The following SYNPO2L variants were observed in gnomAD, a reference collection of about 807,000 sequenced individuals.
SYNPO2L encodes the protein synaptopodin 2-like protein.
Under a neutral mutation model 47.5 loss-of-function variants are expected in SYNPO2L, and 34 were observed. The ratio of observed to expected loss-of-function variants is 0.72; its 90% CI spans 0.54 to 0.95. The LOEUF is 0.95. Among genes scored for constraint, SYNPO2L ranks in the 40% least tolerant of loss-of-function variants. The probability of loss-of-function intolerance (pLI) is 0.00; values close to 1 mark genes in which losing one functional copy is unlikely to be tolerated. For synonymous variants in SYNPO2L, 536 were observed against 524.9 expected, an observed-to-expected ratio of 1.02 and a Z score of -0.29; for missense variants, 1,246 against 1,282.0, an observed-to-expected ratio of 0.97 and a Z score of 0.43.
At position 73,648,501 on chromosome 10, in the gene SYNPO2L, G is replaced by A. The variant is rs1178636195; in HGVS notation, c.1151C>T (p.Ser384Phe). ...SGLGGQLSEV[S>F]GRGVQLFEQQ... ...TTCAAAGAGCTGCACCCCTCGCCCA[G>A]AGACCTCACTCAGCTGCCCTCCCAG... The change falls in exon 4 of 4, where the codon TCT (serine) becomes TTT (phenylalanine). Residue 384 changes from serine (S) to phenylalanine (F), a missense_variant. Physicochemically the swap from Ser to Phe is radical, Grantham distance 155. Transcript: ENST00000394810. The A allele has an allele frequency of 2.5e-6, 4 of 1,613,718 alleles. No individual in the cohort carries two copies. The African/African-American group carries it at 5.3e-5, about 22-fold the overall frequency.
chr10:73,655,834 G>C lies in SYNPO2L; in HGVS notation c.89C>G (p.Pro30Arg). Residue 30 changes from proline to arginine, a missense_variant, in exon 1 of 4, where the codon CCG (proline) becomes CGG (arginine). By Grantham distance (103) the Pro-to-Arg change is moderately radical. Transcript: ENST00000394810. ...CTCCCTTACCTTAGACACCTGTAACGGTTTCCTCTGCTCGGCCCCCCCATG... is the reference window on the plus strand; with the variant it reads ...CTCCCTTACCTTAGACACCTGTAACCGTTTCCTCTGCTCGGCCCCCCCATG... ...RLHGGAEQRK[P>R]LQVSKIRRRS... is the part of the protein sequence containing the mutation. 1.3e-6 allele frequency: 2 copies of C among 1,549,564 alleles called. No homozygotes were observed. The highest frequency in any genetic ancestry group is 2.5e-5 in the East Asian group (1 of 40,774).
At position 73,648,545 on chromosome 10, in the gene SYNPO2L, T is replaced by C. The variant is rs147534080; in HGVS notation, c.1107A>G (p.Ser369=). The change falls in exon 4 of 4, where the codon TCA becomes TCG. Residue 369 remains serine (S), a synonymous_variant. Coordinates refer to ENST00000394810, the MANE Select transcript of SYNPO2L (RefSeq NM_001114133.3). ...MELARAGSRA[S]EGQGSGLGGQ... is the part of the protein sequence containing the mutation. Reference sequence around the variant, plus strand: ...CTCCCAGCCCAGAGCCCTGGCCCTCTGATGCTCTTGAGCCCGCCCTGGCAA... The same window carrying C: ...CTCCCAGCCCAGAGCCCTGGCCCTCCGATGCTCTTGAGCCCGCCCTGGCAA... 7.4e-6 allele frequency: 12 copies of C among 1,614,062 alleles called. No individual in the cohort carries two copies. In the African/African-American group the frequency reaches 1.5e-4, roughly 20 times the overall value.
chr10:73,647,142 C>T lies in SYNPO2L; in HGVS notation c.2510G>A (p.Arg837Gln). The change falls in exon 4 of 4, where the codon CGG becomes CAG. Residue 837 changes from arginine (R) to glutamine (Q), a missense_variant. By Grantham distance (43) the Arg-to-Gln change is conservative. Coordinates refer to ENST00000394810, the MANE Select transcript of SYNPO2L (RefSeq NM_001114133.3). ...TLPKAQSQGP[R>Q]ATPKQGIKAL... Reference sequence around the variant, plus strand: ...CTTGATGCCCTGCTTGGGTGTTGCCCGAGGCCCCTGGGATTGGGCCTTAGG... The same window carrying T: ...CTTGATGCCCTGCTTGGGTGTTGCCTGAGGCCCCTGGGATTGGGCCTTAGG... 1 of 1,613,972 alleles carries T rather than the reference C, an allele frequency of 6.2e-7. No individual in the cohort carries two copies. Among genetic ancestry groups the T allele is most frequent in the East Asian group, 2.2e-5 (1 of 44,874 alleles).
Position 73,645,151 on chromosome 10 carries a change from C to A in SYNPO2L, c.*1567G>T. The stretch of plus-strand genomic sequence containing the variant: ...TTTCCCAGGCAGTCATGGCAAGCTG[C>A]AGAAGACACACTGAAGAACAGACTC... On this transcript the variant is annotated 3_prime_UTR_variant, in exon 4 of 4. Coordinates refer to ENST00000394810, the MANE Select transcript of SYNPO2L (RefSeq NM_001114133.3). The A allele has an allele frequency of 8.3e-7, 1 of 1,204,008 alleles. No homozygotes were observed. Among genetic ancestry groups the A allele is most frequent in the South Asian group, 1.5e-5 (1 of 64,656 alleles). 74.6% of individuals were successfully genotyped at this position (1,204,008 alleles called of 1,614,324 possible).
In SYNPO2L at chr10:73,655,857, A is replaced by ATGAAGT; in HGVS notation, c.60_65dup (p.Leu21_His22insGlnLeu). On this transcript the variant is annotated inframe_insertion, in exon 1 of 4. Transcript: ENST00000394810. ...ACGGTTTCCTCTGCTCGGCCCCCCC[A>ATGAAGT]TGAAGTCGGAAGCCCCAGGGGGCTC... 1 of 1,550,658 alleles carries ATGAAGT rather than the reference A, an allele frequency of 6.4e-7. No individual in the cohort carries two copies.
In SYNPO2L at chr10:73,645,850, A is replaced by G. The variant is rs1431581590; in HGVS notation, c.*868T>C. On this transcript the variant is annotated 3_prime_UTR_variant, in exon 4 of 4. Coordinates refer to ENST00000394810, the MANE Select transcript of SYNPO2L (RefSeq NM_001114133.3). The stretch of plus-strand genomic sequence containing the variant: ...TGTTTGTTTGTTTGTTTTGAGACAG[A>G]GTCTCGCTCCGTCGCCCAGGCTGGA... The G allele has an allele frequency of 2.0e-6, 2 of 985,558 alleles. No homozygotes were observed. Among genetic ancestry groups the G allele is most frequent in the Non-Finnish European group, 2.4e-6 (2 of 829,824 alleles). 61.1% of individuals were successfully genotyped at this position (985,558 alleles called of 1,614,324 possible).
At position 73,644,965 on chromosome 10, in the gene SYNPO2L, C is replaced by A; in HGVS notation, c.*1753G>T. The A allele has an allele frequency of 8.2e-7, 1 of 1,224,668 alleles. No individual in the cohort carries two copies. The highest frequency in any genetic ancestry group is 1.0e-6 in the Non-Finnish European group (1 of 955,214). The allele number at this position is 1,224,668 out of a possible 1,614,324, so 75.9% of individuals were successfully genotyped here. ...AACAAGCAAAGGAAATTATCACTTT[C>A]CAGATTACACAGCAAACGTAGCTGG... On this transcript the variant is annotated 3_prime_UTR_variant, in exon 4 of 4. Coordinates refer to ENST00000394810, the MANE Select transcript of SYNPO2L (RefSeq NM_001114133.3).
chr10:73,646,867 C>G lies in SYNPO2L; in HGVS notation c.2785G>C (p.Val929Leu), dbSNP rs1256519366. Residue 929 changes from valine (V) to leucine (L), a missense_variant, in exon 4 of 4, where the codon GTT (valine) becomes CTT (leucine). Val to Leu is a conservative substitution (Grantham distance 32, BLOSUM62 1). Around this residue, in one of 3 missense-constraint regions of SYNPO2L, gnomAD observed 1,037 missense variants for 1,021.5 expected, o/e 1.02. Transcript: ENST00000394810. ...TCTGGAGGAGGGGCTGGGCTAGGAA[C>G]AGGGGCTGAGGCCAGTTCTGTTCTC... is the stretch of plus-strand genomic sequence containing the variant. ...IWRTELASAP[V>L]PSPAPPPEAP... 1 of 1,559,574 alleles carries G rather than the reference C, an allele frequency of 6.4e-7. No homozygotes were observed. The highest frequency in any genetic ancestry group is 1.9e-5 in the Admixed American group (1 of 52,690).
chr10:73,654,092 C>A, intron 2 of SYNPO2L, 37 bp downstream of exon 2: 1 of 1,541,918 alleles, frequency 6.5e-7, no homozygotes, highest in South Asian at 1.2e-5. Flanking sequence ...AATGGGAGCC[C>A]TGGATTAGGG....
Position 73,654,178 on chromosome 10 carries a change from T to G in SYNPO2L, c.208A>C (p.Met70Leu). 1 of 1,551,650 alleles carries G rather than the reference T, an allele frequency of 6.4e-7. No homozygotes were observed. Among genetic ancestry groups the G allele is most frequent in the Non-Finnish European group, 8.7e-7 (1 of 1,146,966 alleles). ...SCTNLSHASA[M>L]SLIDASGNQL... ...TTTCCTGAGGCATCGATGAGGCTCA[T>G]GGCACTGGCATGGGAGAGGTTGGTG... is the stretch of plus-strand genomic sequence containing the variant. Residue 70 changes from methionine to leucine, a missense_variant, in exon 2 of 4, where the codon ATG (methionine) becomes CTG (leucine). Transcript: ENST00000394810.
rs368565523 is a variant in SYNPO2L at position 73,647,292 on chromosome 10, C to T, written c.2360G>A (p.Arg787Lys). The T allele has an allele frequency of 6.2e-7, 1 of 1,614,082 alleles. No homozygotes were observed. The highest frequency in any genetic ancestry group is 1.1e-5 in the South Asian group (1 of 91,088). ...CAGAGACGGGGTAGGAGAAGGACTT[C>T]TAGGCCGAGGGCCAAGACCAGGACC... ...TPGPGLGPRP[R>K]SPSPTPSLPP... Residue 787 changes from arginine (R) to lysine (K), a missense_variant, in exon 4 of 4, where the codon AGA becomes AAA. This residue lies in a region of SYNPO2L where 1,037 missense variants were observed against 1,021.5 expected (regional missense o/e 1.02). Transcript: ENST00000394810.
Position 73,648,552 on chromosome 10 carries a change from C to T in SYNPO2L, c.1100G>A (p.Arg367Lys), listed in dbSNP as rs778581707. ...CCCAGAGCCCTGGCCCTCTGATGCT[C>T]TTGAGCCCGCCCTGGCAAGCTCCAT... is the stretch of plus-strand genomic sequence containing the variant. ...LDMELARAGS[R>K]ASEGQGSGLG... The change falls in exon 4 of 4, where the codon AGA becomes AAA. Residue 367 changes from arginine to lysine, a missense_variant. Around this residue, in one of 3 missense-constraint regions of SYNPO2L, gnomAD observed 1,037 missense variants for 1,021.5 expected, o/e 1.02. Transcript: ENST00000394810. 7 of 1,614,218 alleles carry T rather than the reference C, an allele frequency of 4.3e-6. No individual in the cohort carries two copies. The South Asian group carries it at 7.7e-5, about 18-fold the overall frequency.
chr10:73,653,762 A>C, intron 2 of SYNPO2L, 109 bp from the exon 3 acceptor site: 1 of 1,372,564 alleles, frequency 7.3e-7, no homozygotes, highest in Non-Finnish European at 9.6e-7. Context: ...GGTAAGGGAG[A>C]GAGAAGGCTG....
In SYNPO2L at chr10:73,647,462, TG is replaced by T. The variant is rs2081772892; in HGVS notation, c.2189del (p.Pro730HisfsTer10). On this transcript the variant is annotated frameshift_variant, in exon 4 of 4. Coordinates refer to ENST00000394810, the MANE Select transcript of SYNPO2L (RefSeq NM_001114133.3). LOFTEE classifies it high-confidence loss of function. The stretch of plus-strand genomic sequence containing the variant: ...CGAGCCCATCAAGGAGCCCTCGAGA[TG>T]GGGGCTTAGGAGCCACTGGGGGTGG... Reference protein sequence around the residue: ...KTPPPVAPKPPSRGLLDGLVN... With the variant: ...KTPPPVAPKPXSRGLLDGLVN... The T allele has an allele frequency of 6.3e-7, 1 of 1,592,164 alleles. No homozygotes were observed. The highest frequency in any genetic ancestry group is 8.6e-7 in the Non-Finnish European group (1 of 1,167,652).
intron 1 of SYNPO2L, among the ~76,000 whole-genome samples, chr10:73,655,507 A>T (rs2081871552): frequency 6.6e-6 from 1 of 152,132 alleles, no homozygotes; most frequent in Non-Finnish European, 1.5e-5. Context: ...GCACATACCC[A>T]AGAGAACAAA....
chr10:73,649,636 C>T (rs2081821076), intron 3 of SYNPO2L: 2 of 810,576 alleles, frequency 2.5e-6, no homozygotes, highest in African/African-American at 3.7e-5. Context: ...CATGTGTGCA[C>T]ATCAAAACAC....
In SYNPO2L at chr10:73,646,532, G is replaced by A. The variant is rs992374084; in HGVS notation, c.*186C>T. 15 of 1,252,264 alleles carry A rather than the reference G, an allele frequency of 1.2e-5. No individual in the cohort carries two copies. The highest frequency in any genetic ancestry group is 1.5e-5 in the Non-Finnish European group (15 of 998,902). The allele number at this position is 1,252,264 out of a possible 1,614,324, so 77.6% of individuals were successfully genotyped here. A position where few individuals can be genotyped will look rare whatever the true frequency, so the allele number is the denominator to read the frequency against. On this transcript the variant is annotated 3_prime_UTR_variant, in exon 4 of 4. Transcript: ENST00000394810. ...AAAGATACCAAAGCAGACATACTTGGTTGGAAAGCGGCAGGGAGGTAGAGA... is the reference window on the plus strand; with the variant it reads ...AAAGATACCAAAGCAGACATACTTGATTGGAAAGCGGCAGGGAGGTAGAGA...
chr10:73,653,035 G>T, intron 3 of SYNPO2L, 104 bp downstream of exon 3: 1 of 1,335,410 alleles, frequency 7.5e-7, no homozygotes, highest in Non-Finnish European at 9.9e-7. Context: ...CCCCAAGACT[G>T]TATCCAAGGG....
intron 3 of SYNPO2L, chr10:73,650,548 A>G (rs1480889303): frequency 2.5e-6 from 1 of 398,922 alleles, no homozygotes; most frequent in East Asian, 1.6e-4. Context: ...AAGGCCCACT[A>G]TAACCATTAC....
Sources: gnomAD v4.1 joint callset for allele counts (sites outside exome capture counted in the v4.1 genomes callset) on GRCh38, gnomAD v4.1.1 for gene constraint, gnomAD v4.1.1 regional missense constraint, MANE v1.5 for transcripts, NCBI Gene and HGNC (gene_info 2026-07-23, HGNC 2026-07-21) for gene names.